TSHZ3: variants seen among roughly 807,000 people sequenced by gnomAD.
TSHZ3 encodes teashirt zinc finger homeobox 3.
A neutral mutation model predicts 64.5 loss-of-function variants in TSHZ3; 10 were observed. The ratio of observed to expected loss-of-function variants is 0.16; its 90% confidence interval spans 0.10 to 0.26. The LOEUF (loss-of-function observed/expected upper bound fraction) is 0.26, where lower values mean the gene tolerates loss of function less well. Among genes scored for constraint, TSHZ3 ranks in the 10% least tolerant of loss-of-function variants. The pLI, the probability that TSHZ3 is intolerant of heterozygous loss-of-function variation, is 1.00. For synonymous variants in TSHZ3, 608 were observed against 593.1 expected (o/e 1.03, Z -0.36); for missense variants, 1,242 against 1,421.7 (o/e 0.87, Z 2.03).
At position 31,256,538 on chromosome 19, in the gene TSHZ3, G is replaced by A. The variant is rs545931945; in HGVS notation, n.64-13663C>T. Among the ~76,000 whole-genome samples the A allele has an allele frequency of 7.2e-5, 11 of 152,286 alleles. No homozygotes were observed. The South Asian group carries it at 1.0e-3, about 14-fold the overall frequency. ...TCCCCAGGGCATATGAGGCAGAGGCGCTCTGATGCTGTAACACACACAGCA... is the reference window on the plus strand; with the variant it reads ...TCCCCAGGGCATATGAGGCAGAGGCACTCTGATGCTGTAACACACACAGCA... On this transcript the variant is annotated intron_variant and non_coding_transcript_variant, in intron 1 of 6. Transcript: ENST00000651361.
At chr19:31,224,577 C>T (rs1975434534) in intron 4 of TSHZ3, among the ~76,000 whole-genome samples, 1 of 152,168 alleles carries the variant, frequency 6.6e-6, no homozygotes, top group African/African-American at 2.4e-5. Context: ...GTGGATGGCA[C>T]AGGACCTCAC....
chr19:31,245,078 T>G (rs1416452712), intron 1 of TSHZ3, among the ~76,000 whole-genome samples: 1 of 152,246 alleles, frequency 6.6e-6, no homozygotes, highest in Non-Finnish European at 1.5e-5. Flanking sequence ...TATCTCTGGA[T>G]GATAGTGTTG....
At chr19:31,235,372 G>A (rs1166641790) in intron 3 of TSHZ3, among the ~76,000 whole-genome samples, 2 of 151,664 alleles carry the variant, frequency 1.3e-5, no homozygotes, top group African/African-American at 2.4e-5. Context: ...ACCCCTGATA[G>A]GCACCATTCT....
intron 1 of TSHZ3, among the ~76,000 whole-genome samples, chr19:31,330,548 TTC>T (rs1170475161): frequency 6.6e-6 from 1 of 152,046 alleles, no homozygotes; most frequent in Non-Finnish European, 1.5e-5. Context: ...CACTCTCTAG[TTC>T]TGTTTTCTCC....
intron 5 of TSHZ3, among the ~76,000 whole-genome samples, chr19:31,196,132 A>C (rs562426717): frequency 1.3e-5 from 2 of 152,084 alleles, no homozygotes; most frequent in East Asian, 3.9e-4. Context: ...AAATGAAAAC[A>C]ATGACATAAG....
At chr19:31,260,941 C>T (rs1351132261) in intron 1 of TSHZ3, among the ~76,000 whole-genome samples, 1 of 152,132 alleles carries the variant, frequency 6.6e-6, no homozygotes, top group African/African-American at 2.4e-5. Context: ...TTCTGTGTGC[C>T]AAGCACTGTG....
At chr19:31,154,486 G>A (rs1288329421) in intron 6 of TSHZ3, among the ~76,000 whole-genome samples, 1 of 152,108 alleles carries the variant, frequency 6.6e-6, no homozygotes, top group Non-Finnish European at 1.5e-5. Flanking sequence ...CTGACTAAGT[G>A]TTGTAGAAAA....
chr19:31,306,106 G>A (rs1916282179), intron 1 of TSHZ3, among the ~76,000 whole-genome samples: 1 of 152,232 alleles, frequency 6.6e-6, no homozygotes, highest in African/African-American at 2.4e-5. Flanking sequence ...CAGGCGGGGA[G>A]TGACGCACAG....
intron 1 of TSHZ3, among the ~76,000 whole-genome samples, chr19:31,343,981 A>G (rs1446136454): frequency 6.6e-6 from 1 of 152,192 alleles, no homozygotes; most frequent in African/African-American, 2.4e-5. Flanking sequence ...TTGTCATCTT[A>G]TCTTATTATA....
intron 5 of TSHZ3, among the ~76,000 whole-genome samples, chr19:31,202,138 C>T (rs1199856235): frequency 6.6e-6 from 1 of 151,728 alleles, no homozygotes; most frequent in Non-Finnish European, 1.5e-5. Context: ...TGCACTCTGG[C>T]CTGGGCAACA....
At chr19:31,350,500 G>C (rs1394748725), upstream of TSHZ3, among the ~76,000 whole-genome samples, 1 of 151,302 alleles carries the variant, frequency 6.6e-6, no homozygotes, top group Non-Finnish European at 1.5e-5. Context: ...GAAGGAAACC[G>C]GGCTCCCCTG....
At chr19:31,167,176 C>A (rs1974466045) in intron 5 of TSHZ3, among the ~76,000 whole-genome samples, 1 of 152,220 alleles carries the variant, frequency 6.6e-6, no homozygotes, top group Non-Finnish European at 1.5e-5. Context: ...AAGTAAACCA[C>A]AAACCTCTAA....
chr19:31,237,583 T>C (rs1486270215), intron 3 of TSHZ3, among the ~76,000 whole-genome samples: 5 of 152,178 alleles, frequency 3.3e-5, no homozygotes, highest in Non-Finnish European at 7.4e-5. Context: ...ATTTTCCCCA[T>C]GTGAATGTTT....
At chr19:31,223,301 C>G (rs537401551) in intron 4 of TSHZ3, among the ~76,000 whole-genome samples, 15 of 151,934 alleles carry the variant, frequency 9.9e-5, no homozygotes, top group African/African-American at 3.1e-4. Context: ...TTTGTGGGGC[C>G]TCATGTGTAT....
intron 1 of TSHZ3, among the ~76,000 whole-genome samples, chr19:31,267,074 C>T (rs1297430288): frequency 1.3e-5 from 2 of 152,208 alleles, no homozygotes; most frequent in African/African-American, 4.8e-5. Context: ...TTGTCATTGA[C>T]TTGGCATGAT....
At chr19:31,262,249 T>C (rs1316703475) in intron 1 of TSHZ3, among the ~76,000 whole-genome samples, 1 of 152,204 alleles carries the variant, frequency 6.6e-6, no homozygotes, top group Non-Finnish European at 1.5e-5. Flanking sequence ...GAAATCTACC[T>C]CCGCGGTACA....
At chr19:31,240,612 T>C (rs1230102186) in intron 3 of TSHZ3, among the ~76,000 whole-genome samples, 2 of 152,192 alleles carry the variant, frequency 1.3e-5, no homozygotes, top group Non-Finnish European at 2.9e-5. Flanking sequence ...TAGTACAGAT[T>C]TTATGAAATA....
chr19:31,294,646 C>T (rs1250641440), intron 1 of TSHZ3, among the ~76,000 whole-genome samples: 3 of 152,172 alleles, frequency 2.0e-5, no homozygotes, highest in African/African-American at 7.2e-5. Context: ...ATTTCAACCT[C>T]ATGTCTATAT....
At chr19:31,241,100 C>T (rs1975682606) in intron 3 of TSHZ3, among the ~76,000 whole-genome samples, 1 of 152,080 alleles carries the variant, frequency 6.6e-6, no homozygotes, top group African/African-American at 2.4e-5. Context: ...CACTGCACAC[C>T]ACAGATTATA....
Sources: allele counts gnomAD v4.1 joint callset (sites outside exome capture counted in the v4.1 genomes callset), GRCh38; gene constraint gnomAD v4.1.1; transcripts MANE v1.5; gene names NCBI Gene and HGNC (gene_info 2026-07-23, HGNC 2026-07-21).